The following LAPTM4A variants were observed in gnomAD, a reference collection of about 807,000 sequenced individuals.
LAPTM4A encodes lysosomal protein transmembrane 4 alpha, also known as lysosomal-associated transmembrane protein 4A.
In LAPTM4A, 19 loss-of-function variants were observed where a neutral mutation model predicts 29.9. The ratio of observed to expected loss-of-function variants is 0.64; its 90% CI spans 0.44 to 0.93. The LOEUF (loss-of-function observed/expected upper bound fraction) is 0.93, where lower values mean the gene tolerates loss of function less well. LAPTM4A is among the 40% of genes least tolerant of loss of function. The pLI, the probability that LAPTM4A is intolerant of heterozygous loss-of-function variation, is 0.00. For missense variants in LAPTM4A, 293 were observed against 288.5 expected (o/e 1.02, Z -0.11); for synonymous variants, 105 against 102.1 (o/e 1.03, Z -0.17).
Position 20,037,619 on chromosome 2 carries a change from G to A in LAPTM4A, c.233-5C>T. The A allele has an allele frequency of 6.3e-7, 1 of 1,584,380 alleles. No homozygotes were observed. On this transcript the variant is annotated splice_region_variant and splice_polypyrimidine_tract_variant and intron_variant, in intron 2 of 6. Transcript: ENST00000175091. Reference sequence around the variant, plus strand: ...CAAAAAGAACACAGGCATTATCTAAGAAAACAAAAACAAAAATCTAATTAA... The same window carrying A: ...CAAAAAGAACACAGGCATTATCTAAAAAAACAAAAACAAAAATCTAATTAA...
At chr2:20,047,216 CG>C (rs1193122551) in intron 1 of LAPTM4A, among the ~76,000 whole-genome samples, 2 of 150,556 alleles carry the variant, frequency 1.3e-5, no homozygotes, top group Non-Finnish European at 3.0e-5. Context: ...GGTGAAACCC[CG>C]TCTCTACTAA....
In LAPTM4A at chr2:20,034,321, G is replaced by C. The variant is rs563961467; in HGVS notation, c.623C>G (p.Pro208Arg). Residue 208 changes from proline (P) to arginine (R), a missense_variant, in exon 6 of 7, where the codon CCT (proline) becomes CGT (arginine). Pro to Arg is a moderately radical substitution (Grantham distance 103, BLOSUM62 -2). Transcript: ENST00000175091. ...CTCTATCCAACAGTAGCTAACCTGAGGAGGTGCTTCAAAGGCAGGGTACAC... is the reference window on the plus strand; with the variant it reads ...CTCTATCCAACAGTAGCTAACCTGACGAGGTGCTTCAAAGGCAGGGTACAC... ...IAVYPAFEAP[P>R]QYVLPTYEMA... is the part of the protein sequence containing the mutation. 11 of 1,609,000 alleles carry C rather than the reference G, an allele frequency of 6.8e-6. No homozygotes were observed. The highest frequency in any genetic ancestry group is 9.4e-6 in the Non-Finnish European group (11 of 1,175,396).
At chr2:20,033,417 A>C in intron 6 of LAPTM4A, 138 bp from the exon 7 acceptor site, 8 of 703,010 alleles carry the variant, frequency 1.1e-5, no homozygotes, top group South Asian at 1.0e-4. Context: ...GTTAGCTAAA[A>C]TGTTCCCAAG....
chr2:20,033,289 G>C lies in LAPTM4A; in HGVS notation c.628-10C>G. 3 of 1,606,816 alleles carry C rather than the reference G, an allele frequency of 1.9e-6. No individual in the cohort carries two copies. Among genetic ancestry groups the C allele is most frequent in the Non-Finnish European group, 2.6e-6 (3 of 1,173,474 alleles). ...AGGTTGGCAAAACGTACTAAAGAGA[G>C]AAAAAAAATTGTATCAGATTTAATT... On this transcript the variant is annotated splice_polypyrimidine_tract_variant and intron_variant, in intron 6 of 6. Coordinates refer to ENST00000175091, the MANE Select transcript of LAPTM4A (RefSeq NM_014713.5).
In LAPTM4A at chr2:20,045,065, C is replaced by T. The variant is rs895526249; in HGVS notation, c.112-4054G>A. On this transcript the variant is annotated intron_variant, in intron 1 of 6. Transcript: ENST00000175091. The stretch of plus-strand genomic sequence containing the variant: ...GGCATCCTTTGATCTTAAAGATATT[C>T]ACCAACGAACGCCTACCTTGTGCTC... 2.0e-5 allele frequency among the ~76,000 whole-genome samples: 3 copies of T among 152,234 alleles called. No individual in the cohort carries two copies. The South Asian group carries it at 6.2e-4, about 31-fold the overall frequency.
rs1325652391 is a variant in LAPTM4A at position 20,039,582 on chromosome 2, G to C, written c.232+1309C>G. On this transcript the variant is annotated intron_variant, in intron 2 of 6. Coordinates refer to ENST00000175091, the MANE Select transcript of LAPTM4A (RefSeq NM_014713.5). ...CAGCCTGGTAAAGACAGGGAGACCC[G>C]ATCTCCACAAAAATTTAGCTACTCA... is the stretch of plus-strand genomic sequence containing the variant. Among the ~76,000 whole-genome samples, 4 of 151,894 alleles carry C rather than the reference G, an allele frequency of 2.6e-5. No individual in the cohort carries two copies. The East Asian group carries it at 5.8e-4, about 22-fold the overall frequency.
chr2:20,038,383 T>C (rs1184752752), intron 2 of LAPTM4A, among the ~76,000 whole-genome samples: 1 of 152,204 alleles, frequency 6.6e-6, no homozygotes, highest in Non-Finnish European at 1.5e-5. Context: ...ACTTACTGAA[T>C]TTCTTAGCAC....
intron 4 of LAPTM4A, among the ~76,000 whole-genome samples, chr2:20,035,775 A>G (rs1282932267): frequency 6.6e-6 from 1 of 152,160 alleles, no homozygotes; most frequent in Non-Finnish European, 1.5e-5. Context: ...AGGAGAGAAA[A>G]CACCAGGGTC....
At chr2:20,051,299 C>G (rs1363824389) in intron 1 of LAPTM4A, 111 bp downstream of exon 1, 1 of 730,950 alleles carries the variant, frequency 1.4e-6, no homozygotes, top group Non-Finnish European at 2.4e-6. Context: ...AAAAGCAGCG[C>G]CCCTCCAAGT....
chr2:20,050,382 T>G (rs899401154), intron 1 of LAPTM4A, among the ~76,000 whole-genome samples: 2 of 152,178 alleles, frequency 1.3e-5, no homozygotes, highest in Admixed American at 1.3e-4. Context: ...CTCTTCCTCT[T>G]TTGCAGTTAA....
At chr2:20,034,674 T>G (rs940717102) in intron 5 of LAPTM4A, among the ~76,000 whole-genome samples, 1 of 152,246 alleles carries the variant, frequency 6.6e-6, no homozygotes, top group African/African-American at 2.4e-5. Context: ...GAAGAAATTC[T>G]GGGTTTGTGA....
intron 1 of LAPTM4A, among the ~76,000 whole-genome samples, chr2:20,041,544 G>A (rs536298823): frequency 6.6e-6 from 1 of 152,164 alleles, no homozygotes; most frequent in Admixed American, 6.5e-5. Context: ...GTGTATGTGT[G>A]CGTGTGTGTG....
chr2:20,033,295 A>G lies in LAPTM4A; in HGVS notation c.628-16T>C. 1 of 1,595,028 alleles carries G rather than the reference A, an allele frequency of 6.3e-7. No individual in the cohort carries two copies. The highest frequency in any genetic ancestry group is 1.7e-4 in the Middle Eastern group (1 of 6,016). ...GCAAAACGTACTAAAGAGAGAAAAA[A>G]AATTGTATCAGATTTAATTCTCCTT... On this transcript the variant is annotated splice_polypyrimidine_tract_variant and intron_variant, in intron 6 of 6. Transcript: ENST00000175091.
At chr2:20,049,574 A>G (rs1213511701) in intron 1 of LAPTM4A, among the ~76,000 whole-genome samples, 1 of 152,168 alleles carries the variant, frequency 6.6e-6, no homozygotes. Context: ...CTGCTATTCT[A>G]TTCATTTTCT....
intron 1 of LAPTM4A, among the ~76,000 whole-genome samples, chr2:20,047,064 C>T (rs1558387158): frequency 1.3e-5 from 2 of 151,648 alleles, no homozygotes; most frequent in Non-Finnish European, 1.5e-5. Context: ...GCAGGTGCAC[C>T]GTGAGAAAAA....
At chr2:20,044,313 C>T (rs1186838125) in intron 1 of LAPTM4A, among the ~76,000 whole-genome samples, 1 of 152,212 alleles carries the variant, frequency 6.6e-6, no homozygotes, top group African/African-American at 2.4e-5. Context: ...ATCAATTAGG[C>T]AAACTCTTCT....
intron 2 of LAPTM4A, among the ~76,000 whole-genome samples, chr2:20,037,945 G>T (rs915530564): frequency 6.6e-6 from 1 of 152,166 alleles, no homozygotes; most frequent in South Asian, 2.1e-4. Context: ...TGTGCAAACA[G>T]ATCATTATAA....
intron 1 of LAPTM4A, among the ~76,000 whole-genome samples, chr2:20,046,340 C>T (rs1673918583): frequency 1.3e-5 from 2 of 151,650 alleles, no homozygotes; most frequent in Non-Finnish European, 2.9e-5. Context: ...CTAGAACTTA[C>T]AGTATAATTT....
At chr2:20,039,488 T>G (rs1335992981) in intron 2 of LAPTM4A, among the ~76,000 whole-genome samples, 1 of 152,168 alleles carries the variant, frequency 6.6e-6, no homozygotes, top group Non-Finnish European at 1.5e-5. Flanking sequence ...GCACAGTGGC[T>G]CATGCCTGTA....
Sources: gnomAD v4.1 joint callset for allele counts (sites outside exome capture counted in the v4.1 genomes callset) on GRCh38, gnomAD v4.1.1 for gene constraint, MANE v1.5 for transcripts, NCBI Gene and HGNC (gene_info 2026-07-23, HGNC 2026-07-21) for gene names.